Variants in FHIT observed in about 807,000 individuals in gnomAD.
The protein encoded by FHIT is bis(5'-adenosyl)-triphosphatase.
FHIT carries 19 observed loss-of-function variants against 17.9 expected under a neutral mutation model. The ratio of observed to expected loss-of-function variants is 1.06; its 90% confidence interval spans 0.74 to 1.56. FHIT has a LOEUF of 1.56. FHIT is among the 40% of genes most tolerant of loss of function. FHIT has a pLI of 0.00. For synonymous variants in FHIT, 81 were observed against 69.7 expected, an observed-to-expected ratio of 1.16 and a Z score of -0.81; for missense variants, 248 against 189.2, an observed-to-expected ratio of 1.31 and a Z score of -1.82.
intron 4 of FHIT, among the ~76,000 whole-genome samples, chr3:60,538,932 T>G (rs567259248): frequency 2.1e-4 from 32 of 151,974 alleles, no homozygotes; most frequent in African/African-American, 7.5e-4. Flanking sequence ...AAAGCCAAAA[T>G]TGACAAATGG....
intron 7 of FHIT, among the ~76,000 whole-genome samples, chr3:59,956,229 A>G (rs74944167): frequency 0.017 from 2,602 of 152,240 alleles, 39 homozygotes; most frequent in South Asian, 0.053. Flanking sequence ...TCAAACTGAC[A>G]GGGGCTGGGT....
intron 7 of FHIT, among the ~76,000 whole-genome samples, chr3:59,965,161 T>C (rs112614999): frequency 1.1e-3 from 175 of 152,234 alleles, no homozygotes; most frequent in African/African-American, 3.9e-3. Context: ...CAGCAATCAA[T>C]AATAGCATGC....
chr3:60,204,500 G>A (rs750228536), intron 5 of FHIT, among the ~76,000 whole-genome samples: 18 of 149,006 alleles, frequency 1.2e-4, no homozygotes, highest in Non-Finnish European at 2.4e-4. Flanking sequence ...CATGTTGCCC[G>A]GACTGGTCTT....
At chr3:60,631,109 C>T (rs2039430499) in intron 4 of FHIT, among the ~76,000 whole-genome samples, 1 of 151,982 alleles carries the variant, frequency 6.6e-6, no homozygotes, top group South Asian at 2.1e-4. Flanking sequence ...AGATAAAAGT[C>T]TCTGTCAAGT....
At chr3:60,122,055 A>G (rs190921483) in intron 5 of FHIT, among the ~76,000 whole-genome samples, 1 of 131,004 alleles carries the variant, frequency 7.6e-6, no homozygotes, top group East Asian at 2.0e-4. Flanking sequence ...AAATTGTGAT[A>G]GAAGAAATGA....
chr3:61,223,943 G>A (rs2039902609), intron 1 of FHIT, among the ~76,000 whole-genome samples: 1 of 152,146 alleles, frequency 6.6e-6, no homozygotes. Context: ...ACCAATGTCA[G>A]AGAGCAGATC....
chr3:60,636,488 C>A (rs557605759), intron 4 of FHIT, among the ~76,000 whole-genome samples: 5 of 152,244 alleles, frequency 3.3e-5, no homozygotes, highest in Non-Finnish European at 1.5e-5. Context: ...GGATAAATTC[C>A]TATGGATGGA....
intron 5 of FHIT, among the ~76,000 whole-genome samples, chr3:60,442,285 A>G (rs536334908): frequency 6.6e-6 from 1 of 152,254 alleles, no homozygotes; most frequent in South Asian, 2.1e-4. Context: ...AAGACTTTTT[A>G]CATAGAATCA....
rs1704855343 is a variant in FHIT at position 59,911,198 on chromosome 3, C to T, written c.348+11148G>A. On this transcript the variant is annotated intron_variant, in intron 8 of 9. Coordinates refer to ENST00000492590, the MANE Select transcript of FHIT (RefSeq NM_002012.4). The stretch of plus-strand genomic sequence containing the variant: ...ATGAATATATAGTATTAAATATATT[C>T]CTCTATTATTTGGCATTTAAATTGT... Among the ~76,000 whole-genome samples, 8 of 152,088 alleles carry T rather than the reference C, an allele frequency of 5.3e-5. No homozygotes were observed. In the South Asian group the frequency reaches 1.7e-3, roughly 32 times the overall value.
chr3:61,215,450 C>CCCTTGTAGTT (rs1412395337), intron 1 of FHIT, among the ~76,000 whole-genome samples: 1 of 152,128 alleles, frequency 6.6e-6, no homozygotes, highest in African/African-American at 2.4e-5. Flanking sequence ...ACATGAAGGA[C>CCCTTGTAGTT]CTCTTCAAGG....
intron 2 of FHIT, among the ~76,000 whole-genome samples, chr3:61,181,408 AC>A (rs1361242076): frequency 6.6e-6 from 1 of 152,210 alleles, no homozygotes; most frequent in African/African-American, 2.4e-5. Flanking sequence ...AGACAATACA[AC>A]AGACCTCTAA....
intron 5 of FHIT, among the ~76,000 whole-genome samples, chr3:60,467,287 A>G (rs953128476): frequency 2.0e-5 from 3 of 151,658 alleles, no homozygotes; most frequent in African/African-American, 7.3e-5. Context: ...TCTTTTTTCA[A>G]AAAAACAACT....
At chr3:60,356,548 G>C (rs958153652) in intron 5 of FHIT, among the ~76,000 whole-genome samples, 21 of 151,980 alleles carry the variant, frequency 1.4e-4, no homozygotes, top group African/African-American at 4.8e-4. Context: ...GTGAGTGAAA[G>C]TACTCCATCA....
chr3:60,091,994 G>C (rs1429095488), intron 5 of FHIT, among the ~76,000 whole-genome samples: 1 of 152,140 alleles, frequency 6.6e-6, no homozygotes, highest in East Asian at 1.9e-4. Flanking sequence ...TGCTAATTAA[G>C]TCAGGAGTCT....
At chr3:60,938,139 G>C (rs1368981162) in intron 3 of FHIT, among the ~76,000 whole-genome samples, 2 of 152,218 alleles carry the variant, frequency 1.3e-5, no homozygotes, top group Non-Finnish European at 2.9e-5. Context: ...TTTCTGCTAG[G>C]TGACAAAAGC....
At chr3:59,998,112 T>A (rs545738773) in intron 7 of FHIT, among the ~76,000 whole-genome samples, 13 of 152,290 alleles carry the variant, frequency 8.5e-5, no homozygotes, top group African/African-American at 3.1e-4. Flanking sequence ...ATCTGCTTTA[T>A]CTTTGTGCAA....
chr3:60,060,058 CA>C (rs1463372710), intron 5 of FHIT, among the ~76,000 whole-genome samples: 1 of 152,050 alleles, frequency 6.6e-6, no homozygotes, highest in African/African-American at 2.4e-5. Context: ...AAATGGTAGT[CA>C]TCCAATTTCT....
chr3:60,647,579 G>A (rs2039890847), intron 4 of FHIT, among the ~76,000 whole-genome samples: 1 of 152,050 alleles, frequency 6.6e-6, no homozygotes, highest in African/African-American at 2.4e-5. Flanking sequence ...AATGTTCAAA[G>A]GATTACTTAA....
chr3:60,551,397 G>A lies in FHIT; in HGVS notation c.-17-14418C>T, dbSNP rs1404880499. 4.4e-5 allele frequency among the ~76,000 whole-genome samples: 6 copies of A among 135,096 alleles called. No individual in the cohort carries two copies. The South Asian group carries it at 1.1e-3, about 24-fold the overall frequency. 88.6% of individuals were successfully genotyped at this position (135,096 alleles called of 152,430 possible). ...CTCATTTGGGAGACCAAAGCAGAAG[G>A]ATCCCTTAAGAACAGGACTTCAAGA... is the stretch of plus-strand genomic sequence containing the variant. On this transcript the variant is annotated intron_variant, in intron 4 of 9. Coordinates refer to ENST00000492590, the MANE Select transcript of FHIT (RefSeq NM_002012.4).
Sources: gnomAD v4.1 joint callset for allele counts (sites outside exome capture counted in the v4.1 genomes callset) on GRCh38, gnomAD v4.1.1 for gene constraint, MANE v1.5 for transcripts, NCBI Gene and HGNC (gene_info 2026-07-23, HGNC 2026-07-21) for gene names.